Variants in IQCJ observed in about 807,000 individuals in gnomAD.
IQCJ encodes the protein IQ domain-containing protein J.
A neutral mutation model predicts 11.0 loss-of-function variants in IQCJ; 9 were observed. The observed-to-expected ratio is 0.82, with a 90% CI of 0.49 to 1.43. The LOEUF is 1.43. Among genes scored for constraint, IQCJ ranks in the 40% most tolerant of loss-of-function variants. The pLI, the probability that IQCJ is intolerant of heterozygous loss-of-function variation, is 0.00. For missense variants in IQCJ, 146 were observed against 133.2 expected (o/e 1.10, Z -0.47); for synonymous variants, 55 against 51.3 (o/e 1.07, Z -0.31).
chr3:159,070,373 G>A (rs1290610882), intron 1 of IQCJ, among the ~76,000 whole-genome samples: 2 of 152,048 alleles, frequency 1.3e-5, no homozygotes, highest in Non-Finnish European at 2.9e-5. Context: ...TGCTCTTCTA[G>A]TTATAAAGAT....
At chr3:159,245,778 C>T in intron 1 of IQCJ, 65 bp from the exon 2 acceptor site, 3 of 1,374,608 alleles carry the variant, frequency 2.2e-6, no homozygotes, top group African/African-American at 2.9e-5. Flanking sequence ...AACAGTTATG[C>T]TTGAATAGCA....
intron 1 of IQCJ, 90 bp downstream of exon 1, chr3:159,069,531 C>A: frequency 6.6e-7 from 1 of 1,521,860 alleles, no homozygotes; most frequent in Admixed American, 2.1e-5. Context: ...TCTGAATTAA[C>A]ATGTATGCAA....
chr3:159,071,493 G>T, intron 1 of IQCJ, among the ~76,000 whole-genome samples: 1 of 151,950 alleles, frequency 6.6e-6, no homozygotes, highest in East Asian at 1.9e-4. Flanking sequence ...CTTTTTTCAC[G>T]TGCTATATAT....
At chr3:159,264,858 A>T (rs565981707), downstream of IQCJ, among the ~76,000 whole-genome samples, 49 of 151,984 alleles carry the variant, frequency 3.2e-4, no homozygotes, top group African/African-American at 1.1e-3. Flanking sequence ...CAGAGGTTGC[A>T]GTGAGCCGAG....
intron 1 of IQCJ, among the ~76,000 whole-genome samples, chr3:159,116,765 G>T (rs906270444): frequency 6.7e-6 from 1 of 150,328 alleles, no homozygotes; most frequent in Non-Finnish European, 1.5e-5. Flanking sequence ...AACCTTCACA[G>T]ATCTTTTGTG....
At chr3:159,072,937 T>C (rs931287106) in intron 1 of IQCJ, among the ~76,000 whole-genome samples, 1 of 152,136 alleles carries the variant, frequency 6.6e-6, no homozygotes, top group Non-Finnish European at 1.5e-5. Context: ...TGGCTAGTTG[T>C]TCACTGGGTG....
At chr3:159,190,787 G>A (rs1723640257) in intron 1 of IQCJ, among the ~76,000 whole-genome samples, 1 of 152,160 alleles carries the variant, frequency 6.6e-6, no homozygotes, top group South Asian at 2.1e-4. Context: ...GAGAAATGTG[G>A]ATAATAATAG....
intron 1 of IQCJ, among the ~76,000 whole-genome samples, chr3:159,114,935 A>G (rs942342868): frequency 6.6e-6 from 1 of 151,708 alleles, no homozygotes; most frequent in African/African-American, 2.4e-5. Context: ...CCCCGGGGCT[A>G]GTGAGGAAGG....
rs529637965 is a variant in IQCJ, at chr3:159,126,482, C to G, written c.9+57041C>G. Among the ~76,000 whole-genome samples the G allele has an allele frequency of 7.9e-5, 12 of 152,342 alleles. No individual in the cohort carries two copies. The East Asian group carries it at 2.3e-3, about 29-fold the overall frequency. On this transcript the variant is annotated intron_variant, in intron 1 of 3. Transcript: ENST00000397832. ...TTCAGTCTTTCTTATTAGTCATAAA[C>G]ATGACCGTGTCCCCACAAGACCACA...
chr3:159,206,069 G>C (rs1724642217), intron 1 of IQCJ, among the ~76,000 whole-genome samples: 1 of 152,078 alleles, frequency 6.6e-6, no homozygotes, highest in African/African-American at 2.4e-5. Context: ...AGATGGGAGT[G>C]TTAGCCTGGG....
intron 1 of IQCJ, among the ~76,000 whole-genome samples, chr3:159,217,334 T>G (rs560224786): frequency 4.1e-4 from 62 of 152,202 alleles, no homozygotes; most frequent in Non-Finnish European, 7.5e-4. Flanking sequence ...CATCCAGATT[T>G]CAAGGTAGTC....
chr3:159,192,363 A>T (rs1043230434), intron 1 of IQCJ, among the ~76,000 whole-genome samples: 4 of 152,174 alleles, frequency 2.6e-5, no homozygotes, highest in African/African-American at 7.2e-5. Flanking sequence ...TCCTGGTGCT[A>T]TAGGTCCAGT....
intron 1 of IQCJ, among the ~76,000 whole-genome samples, chr3:159,089,708 T>G (rs562063634): frequency 3.3e-5 from 5 of 151,786 alleles, no homozygotes; most frequent in Non-Finnish European, 5.9e-5. Context: ...CCAGTTGATC[T>G]CACCGGCTCC....
intron 1 of IQCJ, among the ~76,000 whole-genome samples, chr3:159,188,282 C>T (rs547440855): frequency 1.5e-3 from 233 of 152,074 alleles, no homozygotes; most frequent in African/African-American, 5.5e-3. Flanking sequence ...TGGTGGCACA[C>T]GCCTGTAATC....
In IQCJ at chr3:159,194,454, G is replaced by C. The variant is rs187417336; in HGVS notation, c.10-51389G>C. On this transcript the variant is annotated intron_variant, in intron 1 of 3. Transcript: ENST00000397832. ...GATGATTCCTGTCAGATCCATTGCT[G>C]TAAGGGAGCCCAACACTGTTGTTCT... Among the ~76,000 whole-genome samples the C allele has an allele frequency of 4.6e-5, 7 of 152,262 alleles. No homozygotes were observed. In the East Asian group the frequency reaches 1.2e-3, roughly 25 times the overall value.
chr3:159,072,256 C>T (rs1715614672), intron 1 of IQCJ, among the ~76,000 whole-genome samples: 1 of 151,960 alleles, frequency 6.6e-6, no homozygotes, highest in East Asian at 1.9e-4. Context: ...AGAACAATCA[C>T]AGTTAGGGTG....
At chr3:159,151,893 C>A (rs566145041) in intron 1 of IQCJ, among the ~76,000 whole-genome samples, 4 of 152,346 alleles carry the variant, frequency 2.6e-5, no homozygotes, top group East Asian at 1.9e-4. Flanking sequence ...CTTGGCCTCC[C>A]AAAGTGCTGG....
chr3:159,182,781 A>T (rs4511943), intron 1 of IQCJ, among the ~76,000 whole-genome samples: 93,782 of 149,678 alleles, frequency 0.63, 29,683 homozygotes, highest in South Asian at 0.76. Flanking sequence ...TATTTATTTT[A>T]TTTTTTTTCA....
At chr3:159,160,559 T>A (rs149358170) in intron 1 of IQCJ, among the ~76,000 whole-genome samples, 4,385 of 152,066 alleles carry the variant, frequency 0.029, 204 homozygotes, top group African/African-American at 0.1. Context: ...TACTTTAAGT[T>A]TTAGGGTACA....
Sources: gnomAD v4.1 joint callset for allele counts (sites outside exome capture counted in the v4.1 genomes callset) on GRCh38, gnomAD v4.1.1 for gene constraint, MANE v1.5 for transcripts, NCBI Gene and HGNC (gene_info 2026-07-23, HGNC 2026-07-21) for gene names.